Variants in UNC79 observed in about 807,000 individuals in gnomAD.
UNC79 encodes the protein unc-79 subunit of NALCN channel complex, also known as protein unc-79 homolog.
Under a neutral mutation model 283.1 loss-of-function variants are expected in UNC79, and 37 were observed. That is an observed-to-expected ratio of 0.13 (90% CI 0.10 to 0.17). The LOEUF (loss-of-function observed/expected upper bound fraction) is 0.17, where lower values mean the gene tolerates loss of function less well. UNC79 is among the 10% of genes least tolerant of loss of function. UNC79 has a pLI of 1.00. For missense variants in UNC79, 2,272 were observed against 3,211.1 expected (o/e 0.71, Z 7.07); for synonymous variants, 1,107 against 1,200.2 (o/e 0.92, Z 1.61).
At chr14:93,556,285 A>G (rs2062168400) in intron 14 of UNC79, among the ~76,000 whole-genome samples, 1 of 152,178 alleles carries the variant, frequency 6.6e-6, no homozygotes, top group African/African-American at 2.4e-5. Context: ...AAACACAAAA[A>G]AAAAGGAGTA....
chr14:93,378,457 C>G (rs532985845), intron 1 of UNC79, among the ~76,000 whole-genome samples: 1 of 152,094 alleles, frequency 6.6e-6, no homozygotes, highest in African/African-American at 2.4e-5. Context: ...ATCTGAAATG[C>G]TTAGGACCAG....
intron 14 of UNC79, among the ~76,000 whole-genome samples, chr14:93,556,533 G>T (rs952460808): frequency 2.6e-5 from 4 of 152,142 alleles, no homozygotes; most frequent in South Asian, 2.1e-4. Flanking sequence ...GAAAACAGAG[G>T]TTTCTCCCAA....
chr14:93,696,709 G>A (rs944005762), intron 47 of UNC79, among the ~76,000 whole-genome samples: 3 of 152,006 alleles, frequency 2.0e-5, no homozygotes, highest in African/African-American at 7.2e-5. Flanking sequence ...TCCTTTATCA[G>A]GTATGTGATT....
At chr14:93,517,660 G>A (rs2060130825) in intron 7 of UNC79, among the ~76,000 whole-genome samples, 1 of 151,750 alleles carries the variant, frequency 6.6e-6, no homozygotes, top group African/African-American at 2.4e-5. Flanking sequence ...TGCCTTTTAT[G>A]CCTATTTTTT....
At chr14:93,333,755 A>G (rs1307014314) in intron 1 of UNC79, among the ~76,000 whole-genome samples, 1 of 152,204 alleles carries the variant, frequency 6.6e-6, no homozygotes, top group South Asian at 2.1e-4. Flanking sequence ...TAACAAAAAT[A>G]CTGTATTTAT....
At chr14:93,502,016 A>G (rs78174054) in intron 7 of UNC79, among the ~76,000 whole-genome samples, 2,662 of 152,342 alleles carry the variant, frequency 0.017, 58 homozygotes, top group Non-Finnish European at 0.025. Flanking sequence ...CAGCTCATAC[A>G]AAGAAGATCA....
intron 1 of UNC79, among the ~76,000 whole-genome samples, chr14:93,443,051 C>T (rs1031883998): frequency 3.9e-5 from 6 of 152,050 alleles, no homozygotes; most frequent in Non-Finnish European, 7.4e-5. Flanking sequence ...TGGCAAAACC[C>T]TATCTCTACT....
chr14:93,442,543 A>C (rs987615814), intron 1 of UNC79, among the ~76,000 whole-genome samples: 7 of 152,224 alleles, frequency 4.6e-5, no homozygotes, highest in Admixed American at 4.6e-4. Context: ...AGTTGATAAC[A>C]TTCAGTTGAA....
At chr14:93,538,456 A>G (rs1415314191) in intron 12 of UNC79, among the ~76,000 whole-genome samples, 2 of 152,230 alleles carry the variant, frequency 1.3e-5, no homozygotes, top group African/African-American at 4.8e-5. Flanking sequence ...GGAATAAAAT[A>G]TAGTCTCTGC....
intron 45 of UNC79, chr14:93,691,435 C>T (rs1296471553): frequency 2.2e-6 from 1 of 458,562 alleles, no homozygotes. Context: ...AATGATTATT[C>T]TCCCTAATCT....
intron 1 of UNC79, among the ~76,000 whole-genome samples, chr14:93,408,450 T>C (rs941739788): frequency 6.6e-6 from 1 of 152,216 alleles, no homozygotes; most frequent in African/African-American, 2.4e-5. Flanking sequence ...TCCAGTACTT[T>C]GGGAGGCCAC....
intron 3 of UNC79, among the ~76,000 whole-genome samples, chr14:93,476,724 A>G (rs530881706): frequency 5.3e-5 from 8 of 152,248 alleles, no homozygotes; most frequent in Non-Finnish European, 1.0e-4. Context: ...TGGGAAGTCC[A>G]GGAATATACA....
At chr14:93,423,292 C>G (rs1653991571) in intron 1 of UNC79, among the ~76,000 whole-genome samples, 1 of 152,076 alleles carries the variant, frequency 6.6e-6, no homozygotes, top group African/African-American at 2.4e-5. Flanking sequence ...CCACCTAAAG[C>G]AATCTATAGA....
rs144258649 is a variant in UNC79, at chr14:93,485,412, T to A, written c.620-2251T>A. On this transcript the variant is annotated intron_variant, in intron 4 of 48. Coordinates refer to ENST00000555664, the Ensembl canonical transcript of UNC79. ...CCCTCTAATAGTACTTCTCAAAGAG[T>A]GGTCCAAAGCCAGCTTGCATCAGAA... 3.5e-3 allele frequency among the ~76,000 whole-genome samples: 533 copies of A among 151,942 alleles called. 2 individuals carry two copies. The highest frequency in any genetic ancestry group is 0.012 in the African/African-American group (508 of 41,406).
At chr14:93,489,757 C>T (rs1289725710) in intron 5 of UNC79, among the ~76,000 whole-genome samples, 1 of 152,210 alleles carries the variant, frequency 6.6e-6, no homozygotes, top group African/African-American at 2.4e-5. Flanking sequence ...GTTGGGCCCC[C>T]AAGACCCTGC....
intron 40 of UNC79, among the ~76,000 whole-genome samples, chr14:93,671,361 C>T (rs559054854): frequency 6.6e-6 from 1 of 152,194 alleles, no homozygotes; most frequent in African/African-American, 2.4e-5. Context: ...GAAAAGAGAG[C>T]ACTGTATAGG....
At chr14:93,482,544 A>G (rs901714438) in intron 4 of UNC79, among the ~76,000 whole-genome samples, 4 of 152,122 alleles carry the variant, frequency 2.6e-5, no homozygotes, top group Non-Finnish European at 5.9e-5. Context: ...TAGAGGTGAG[A>G]CCGCTTTTTA....
intron 47 of UNC79, among the ~76,000 whole-genome samples, chr14:93,699,451 C>G (rs955067841): frequency 6.6e-6 from 1 of 152,138 alleles, no homozygotes; most frequent in African/African-American, 2.4e-5. Context: ...TAGCTGCTTT[C>G]CCCCAGATTT....
chr14:93,695,451 T>C (rs2075023216), intron 47 of UNC79, among the ~76,000 whole-genome samples: 1 of 152,184 alleles, frequency 6.6e-6, no homozygotes, highest in African/African-American at 2.4e-5. Context: ...AGCTTGATAA[T>C]AGCAAAAGTC....
Sources: allele counts gnomAD v4.1 joint callset (sites outside exome capture counted in the v4.1 genomes callset), GRCh38; gene constraint gnomAD v4.1.1; transcripts MANE v1.5; gene names NCBI Gene and HGNC (gene_info 2026-07-23, HGNC 2026-07-21).